Variants in S100Z observed in about 807,000 individuals in gnomAD.
S100Z encodes S100 calcium binding protein Z.
A neutral mutation model predicts 8.5 loss-of-function variants in S100Z; 11 were observed. The observed-to-expected ratio is 1.30, with a 90% CI of 0.82 to 2.15. The LOEUF is 2.15. S100Z is among the 30% of genes most tolerant of loss of function. The probability of loss-of-function intolerance (pLI) is 0.00; values close to 1 mark genes in which losing one functional copy is unlikely to be tolerated. For synonymous variants in S100Z, 34 were observed against 43.8 expected (o/e 0.78, Z 0.89); for missense variants, 126 against 117.9 (o/e 1.07, Z -0.32).
intron 4 of S100Z, among the ~76,000 whole-genome samples, chr5:76,907,397 T>C (rs1744494243): frequency 6.6e-6 from 1 of 151,898 alleles, no homozygotes; most frequent in South Asian, 2.1e-4. Flanking sequence ...TCTGCCTCCC[T>C]GGTTCACGCC....
chr5:76,898,710 G>A (rs1315349609), intron 4 of S100Z, among the ~76,000 whole-genome samples: 2 of 152,066 alleles, frequency 1.3e-5, no homozygotes, highest in East Asian at 3.9e-4. Context: ...CCAGCATTTT[G>A]TTGAGGATTT....
At chr5:76,864,234 C>G (rs531038115) in intron 1 of S100Z, among the ~76,000 whole-genome samples, 2 of 152,248 alleles carry the variant, frequency 1.3e-5, no homozygotes, top group South Asian at 4.1e-4. Context: ...CACCATCACA[C>G]TGTCATAACA....
chr5:76,918,902 G>A (rs1744943408), intron 4 of S100Z, among the ~76,000 whole-genome samples: 1 of 152,094 alleles, frequency 6.6e-6, no homozygotes, highest in Non-Finnish European at 1.5e-5. Flanking sequence ...TCTTTCCATT[G>A]TTTTGTCTTT....
chr5:76,907,386 C>T (rs1283926982), intron 4 of S100Z, among the ~76,000 whole-genome samples: 1 of 152,110 alleles, frequency 6.6e-6, no homozygotes, highest in African/African-American at 2.4e-5. Flanking sequence ...TCACTGCAAG[C>T]TCTGCCTCCC....
chr5:76,944,633 C>G, the S100Z span, among the ~76,000 whole-genome samples: 1 of 152,176 alleles, frequency 6.6e-6, no homozygotes, highest in Non-Finnish European at 1.5e-5. Flanking sequence ...AACTAAACAC[C>G]GGCTAGCTTG....
intron 4 of S100Z, among the ~76,000 whole-genome samples, chr5:76,906,168 G>A (rs1160452609): frequency 6.6e-6 from 1 of 152,106 alleles, no homozygotes; most frequent in Non-Finnish European, 1.5e-5. Flanking sequence ...CTTTATTAAG[G>A]TATAATTGAC....
At chr5:76,869,217 G>A (rs988766756) in intron 1 of S100Z, among the ~76,000 whole-genome samples, 1 of 152,128 alleles carries the variant, frequency 6.6e-6, no homozygotes, top group African/African-American at 2.4e-5. Flanking sequence ...CTCATTCAAA[G>A]TGTGGAGGGT....
the S100Z span, among the ~76,000 whole-genome samples, chr5:76,930,359 C>G: frequency 1.3e-5 from 2 of 152,072 alleles, no homozygotes; most frequent in Non-Finnish European, 2.9e-5. Context: ...CAAATTGTAC[C>G]AAAAAGAAAA....
chr5:76,900,858 GC>G (rs991472017), intron 4 of S100Z, among the ~76,000 whole-genome samples: 5 of 152,154 alleles, frequency 3.3e-5, no homozygotes, highest in African/African-American at 1.2e-4. Flanking sequence ...GGGCTTATTT[GC>G]AGCCATCCTT....
the S100Z span, among the ~76,000 whole-genome samples, chr5:76,948,566 G>A: frequency 6.6e-6 from 1 of 152,214 alleles, no homozygotes; most frequent in South Asian, 2.1e-4. Context: ...TGGCCAACCA[G>A]TATATGAAAA....
chr5:76,913,218 C>A (rs536586628), intron 4 of S100Z, among the ~76,000 whole-genome samples: 3 of 152,308 alleles, frequency 2.0e-5, no homozygotes, highest in Admixed American at 2.0e-4. Flanking sequence ...AATCCTTAAC[C>A]CAGCAGGTTT....
intron 4 of S100Z, among the ~76,000 whole-genome samples, chr5:76,920,449 A>G (rs987336353): frequency 7.2e-5 from 11 of 152,156 alleles, no homozygotes; most frequent in African/African-American, 1.9e-4. Context: ...TTGGGCTTTC[A>G]TGCATAGCAT....
At chr5:76,908,718 G>A (rs1744542627) in intron 4 of S100Z, among the ~76,000 whole-genome samples, 1 of 152,170 alleles carries the variant, frequency 6.6e-6, no homozygotes, top group Non-Finnish European at 1.5e-5. Context: ...ATATAAATGA[G>A]GACAAAAGGC....
At chr5:76,940,755 A>C in the S100Z span, among the ~76,000 whole-genome samples, 1 of 152,120 alleles carries the variant, frequency 6.6e-6, no homozygotes, top group African/African-American at 2.4e-5. Context: ...TAGAGTCCAT[A>C]GTTTATTCAG....
At chr5:76,929,382 C>T in the S100Z span, among the ~76,000 whole-genome samples, 3 of 152,118 alleles carry the variant, frequency 2.0e-5, no homozygotes, top group African/African-American at 7.2e-5. Context: ...ACCAATTGAA[C>T]AATTTGTCTC....
chr5:76,876,341 T>A (rs1212702497), intron 3 of S100Z, among the ~76,000 whole-genome samples: 1 of 152,064 alleles, frequency 6.6e-6, no homozygotes, highest in Non-Finnish European at 1.5e-5. Flanking sequence ...CACAAACTTT[T>A]CTTTTCCTCT....
chr5:76,945,277 C>T, the S100Z span, among the ~76,000 whole-genome samples: 2 of 152,188 alleles, frequency 1.3e-5, no homozygotes, highest in African/African-American at 2.4e-5. Flanking sequence ...CCTGGAAAGC[C>T]GGGTATTGTC....
the S100Z span, among the ~76,000 whole-genome samples, chr5:76,940,679 C>T: frequency 1.3e-5 from 2 of 152,194 alleles, no homozygotes; most frequent in Admixed American, 1.3e-4. Flanking sequence ...TCCCAAAGTG[C>T]TGGGATTACA....
chr5:76,892,908 CTTACCTATGAAGAGACGTTGTTGAT>C (rs1229914003), intron 4 of S100Z, among the ~76,000 whole-genome samples: 1 of 152,138 alleles, frequency 6.6e-6, no homozygotes, highest in African/African-American at 2.4e-5. Context: ...CTCTTTGTCC[CTTACCTATGAAGAGACGTTGTTGAT>C]GTACATAGGG....
Sources: allele counts gnomAD v4.1 joint callset (sites outside exome capture counted in the v4.1 genomes callset), GRCh38; gene constraint gnomAD v4.1.1; transcripts MANE v1.5; gene names NCBI Gene and HGNC (gene_info 2026-07-23, HGNC 2026-07-21).